The following CADM2 variants were observed in gnomAD, a reference collection of about 807,000 sequenced individuals.
CADM2 encodes immunoglobulin superfamily member 4D.
A neutral mutation model predicts 49.8 loss-of-function variants in CADM2; 12 were observed. The observed-to-expected ratio is 0.24, with a 90% CI of 0.15 to 0.39. The LOEUF (loss-of-function observed/expected upper bound fraction) is 0.39. Among genes scored for constraint, CADM2 ranks in the 10% least tolerant of loss-of-function variants. The pLI is 1.00. For synonymous variants in CADM2, 214 were observed against 175.4 expected, an observed-to-expected ratio of 1.22 and a Z score of -1.74; for missense variants, 378 against 492.3, an observed-to-expected ratio of 0.77 and a Z score of 2.20.
At chr3:85,797,091 T>TAA (rs534621926) in intron 2 of CADM2, among the ~76,000 whole-genome samples, 1 of 127,254 alleles carries the variant, frequency 7.9e-6, no homozygotes, top group African/African-American at 2.9e-5. Flanking sequence ...AGAATCCATT[T>TAA]AAAAAAAAAA....
chr3:85,313,504 C>T (rs528000558), intron 1 of CADM2, among the ~76,000 whole-genome samples: 10 of 152,180 alleles, frequency 6.6e-5, no homozygotes, highest in African/African-American at 2.2e-4. Flanking sequence ...GGATATCAAA[C>T]CTTCAGTTCA....
At chr3:85,460,908 G>A (rs1245971993) in intron 1 of CADM2, among the ~76,000 whole-genome samples, 2 of 152,108 alleles carry the variant, frequency 1.3e-5, no homozygotes, top group Admixed American at 6.6e-5. Flanking sequence ...GTTCCTTGTT[G>A]CAATGAATAT....
At chr3:85,574,013 T>G (rs2062557740) in intron 1 of CADM2, among the ~76,000 whole-genome samples, 1 of 152,196 alleles carries the variant, frequency 6.6e-6, no homozygotes, top group Non-Finnish European at 1.5e-5. Flanking sequence ...TTATGTCCAA[T>G]GTATCCATGA....
At chr3:85,173,787 A>G (rs1203489527) in intron 1 of CADM2, among the ~76,000 whole-genome samples, 1 of 152,210 alleles carries the variant, frequency 6.6e-6, no homozygotes, top group African/African-American at 2.4e-5. Flanking sequence ...CTTTCCAAAT[A>G]ATGCCCAATT....
chr3:85,728,736 A>T (rs1369407943), intron 2 of CADM2, among the ~76,000 whole-genome samples: 4 of 152,136 alleles, frequency 2.6e-5, no homozygotes, highest in Non-Finnish European at 5.9e-5. Flanking sequence ...AATATTGGAG[A>T]GAGGAATGTG....
chr3:85,378,748 G>A (rs2033732789), intron 1 of CADM2, among the ~76,000 whole-genome samples: 1 of 151,780 alleles, frequency 6.6e-6, no homozygotes, highest in Non-Finnish European at 1.5e-5. Flanking sequence ...AGGGGTGAGG[G>A]ATAAAAGACT....
intron 1 of CADM2, among the ~76,000 whole-genome samples, chr3:85,143,736 G>T (rs766644440): frequency 1.3e-5 from 2 of 152,046 alleles, no homozygotes; most frequent in Non-Finnish European, 2.9e-5. Context: ...TTATCCTGGG[G>T]TATTACCCTA....
At chr3:85,128,234 A>C (rs908301759) in intron 1 of CADM2, among the ~76,000 whole-genome samples, 1 of 152,318 alleles carries the variant, frequency 6.6e-6, no homozygotes, top group Non-Finnish European at 1.5e-5. Flanking sequence ...GACGCTTTTT[A>C]AGAGTTCAGC....
intron 1 of CADM2, among the ~76,000 whole-genome samples, chr3:85,456,297 T>C (rs1210381205): frequency 6.6e-6 from 1 of 152,174 alleles, no homozygotes; most frequent in African/African-American, 2.4e-5. Context: ...TCCTAGACAA[T>C]GTCTGAGCTC....
At chr3:85,509,258 G>C (rs541755978) in intron 1 of CADM2, among the ~76,000 whole-genome samples, 2 of 152,082 alleles carry the variant, frequency 1.3e-5, no homozygotes, top group South Asian at 4.1e-4. Flanking sequence ...GGTGGTGGCA[G>C]TTATAAATAA....
At chr3:85,140,656 T>A (rs1419629689) in intron 1 of CADM2, among the ~76,000 whole-genome samples, 3 of 152,198 alleles carry the variant, frequency 2.0e-5, no homozygotes, top group Non-Finnish European at 4.4e-5. Flanking sequence ...CAGGTTTTGG[T>A]GGCTTAAGAG....
At chr3:85,092,997 A>T (rs2037655650) in intron 1 of CADM2, among the ~76,000 whole-genome samples, 1 of 152,104 alleles carries the variant, frequency 6.6e-6, no homozygotes, top group Non-Finnish European at 1.5e-5. Flanking sequence ...CACTTTGCAT[A>T]AACTTTTCTA....
At position 86,044,537 on chromosome 3, in the gene CADM2, C is replaced by T. The variant is rs145578399; in HGVS notation, c.971-21068C>T. Among the ~76,000 whole-genome samples, 831 of 152,154 alleles carry T rather than the reference C, an allele frequency of 5.5e-3. 6 individuals are homozygous for T. Among genetic ancestry groups the T allele is most frequent in the Non-Finnish European group, 9.1e-3 (621 of 68,000 alleles). On this transcript the variant is annotated intron_variant, in intron 8 of 9. Transcript: ENST00000383699. ...TACCATCTCACACCAGTTAGAATGG[C>T]GATCATTAAACAGTCAGGAAACAAC...
intron 1 of CADM2, among the ~76,000 whole-genome samples, chr3:85,633,388 C>T (rs533565609): frequency 6.6e-6 from 1 of 152,024 alleles, no homozygotes; most frequent in Non-Finnish European, 1.5e-5. Context: ...AAAGTATGAA[C>T]TATAGTGGTT....
chr3:85,217,406 C>T (rs553010769), intron 1 of CADM2, among the ~76,000 whole-genome samples: 2 of 151,994 alleles, frequency 1.3e-5, no homozygotes, highest in East Asian at 3.9e-4. Flanking sequence ...GATATGAGCA[C>T]TTTAGCATTT....
At chr3:85,023,313 C>CTTATTACTTATAAG (rs2034587567) in intron 1 of CADM2, among the ~76,000 whole-genome samples, 2 of 152,112 alleles carry the variant, frequency 1.3e-5, no homozygotes, top group Admixed American at 6.5e-5. Flanking sequence ...CTCAGTAGGG[C>CTTATTACTTATAAG]TGGTTTGCAG....
At chr3:85,950,843 A>G (rs1723346197) in intron 7 of CADM2, among the ~76,000 whole-genome samples, 1 of 151,150 alleles carries the variant, frequency 6.6e-6, no homozygotes, top group Non-Finnish European at 1.5e-5. Context: ...ACACTATACT[A>G]ATGTCATAAT....
intron 1 of CADM2, among the ~76,000 whole-genome samples, chr3:85,223,701 C>A (rs938410497): frequency 6.6e-6 from 1 of 151,820 alleles, no homozygotes; most frequent in Non-Finnish European, 1.5e-5. Context: ...TTTGCTACAC[C>A]CATCAACTCG....
At chr3:85,180,790 A>G (rs2040915433) in intron 1 of CADM2, among the ~76,000 whole-genome samples, 3 of 152,178 alleles carry the variant, frequency 2.0e-5, no homozygotes, top group East Asian at 1.9e-4. Flanking sequence ...CATTTCTGGA[A>G]TATAAAGCTA....
Sources: gnomAD v4.1 joint callset for allele counts (sites outside exome capture counted in the v4.1 genomes callset) on GRCh38, gnomAD v4.1.1 for gene constraint, MANE v1.5 for transcripts, NCBI Gene and HGNC (gene_info 2026-07-23, HGNC 2026-07-21) for gene names.